SLC8A1: variants seen among roughly 807,000 people sequenced by gnomAD.
SLC8A1 encodes solute carrier family 8 member A1.
Under a neutral mutation model 68.3 loss-of-function variants are expected in SLC8A1, and 18 were observed. The ratio of observed to expected loss-of-function variants is 0.26; its 90% confidence interval spans 0.18 to 0.39. The LOEUF is 0.39. Ranked by LOEUF, SLC8A1 falls within the 10% of genes least tolerant of loss-of-function variation. SLC8A1 has a pLI of 1.00. For missense variants in SLC8A1, 985 were observed against 1,156.7 expected, an observed-to-expected ratio of 0.85 and a Z score of 2.15; for synonymous variants, 475 against 415.5, an observed-to-expected ratio of 1.14 and a Z score of -1.74.
chr2:40,219,974 A>G lies in SLC8A1; in HGVS notation c.1809-42119T>C, dbSNP rs560916298. On this transcript the variant is annotated intron_variant, in intron 2 of 7. Transcript: ENST00000406785. ...TTGACTAAAATTGTGCCAAATAAATAAGATTTTTTTCTTATCTGAGATTGA... is the reference window on the plus strand; with the variant it reads ...TTGACTAAAATTGTGCCAAATAAATGAGATTTTTTTCTTATCTGAGATTGA... Among the ~76,000 whole-genome samples, 195 of 151,572 alleles carry G rather than the reference A, an allele frequency of 1.3e-3. 2 individuals are homozygous for G. Among genetic ancestry groups the G allele is most frequent in the Non-Finnish European group, 2.0e-3 (134 of 67,984 alleles).
At chr2:40,267,582 C>A (rs1423388193) in intron 2 of SLC8A1, among the ~76,000 whole-genome samples, 1 of 152,000 alleles carries the variant, frequency 6.6e-6, no homozygotes, top group Non-Finnish European at 1.5e-5. Flanking sequence ...ACTGTCTATC[C>A]CAGCAATAAT....
chr2:40,375,406 A>T (rs968776703), intron 2 of SLC8A1, among the ~76,000 whole-genome samples: 2 of 152,104 alleles, frequency 1.3e-5, no homozygotes, highest in Non-Finnish European at 2.9e-5. Context: ...TTTTCCTAAC[A>T]AACTTACTTA....
intron 2 of SLC8A1, among the ~76,000 whole-genome samples, chr2:40,241,597 T>G (rs571618755): frequency 1.3e-5 from 2 of 152,334 alleles, no homozygotes; most frequent in South Asian, 4.1e-4. Context: ...TGCCCTCCCC[T>G]AACCTTGAGG....
At chr2:40,142,355 G>A (rs774413619) in intron 6 of SLC8A1, among the ~76,000 whole-genome samples, 27 of 148,484 alleles carry the variant, frequency 1.8e-4, no homozygotes, top group Non-Finnish European at 3.4e-4. Context: ...CATTCCAGCC[G>A]GGGCTGAGAA....
At chr2:40,237,888 C>T (rs976096326) in intron 2 of SLC8A1, among the ~76,000 whole-genome samples, 1 of 152,206 alleles carries the variant, frequency 6.6e-6, no homozygotes, top group South Asian at 2.1e-4. Context: ...TGTGCCCCTG[C>T]TGGGGGGTGC....
chr2:40,511,154 T>G lies in SLC8A1; in HGVS notation c.-25+1195A>C, dbSNP rs1706701027. On this transcript the variant is annotated intron_variant, in intron 1 of 7. Coordinates refer to the SLC8A1 transcript ENST00000402441. ...TCAATATTTCTCCATTTCTCTTTTC[T>G]TTTTTCCCACTCATACTCTAGATTG... Among the ~76,000 whole-genome samples the G allele has an allele frequency of 2.0e-5, 3 of 152,202 alleles. No homozygotes were observed. In the South Asian group the frequency reaches 6.2e-4, roughly 31 times the overall value.
intron 2 of SLC8A1, among the ~76,000 whole-genome samples, chr2:40,259,231 C>A (rs754534759): frequency 6.7e-6 from 1 of 150,266 alleles, no homozygotes; most frequent in Non-Finnish European, 1.5e-5. Flanking sequence ...CTGAGCTGGA[C>A]CACTTCCAAG....
intron 2 of SLC8A1, among the ~76,000 whole-genome samples, chr2:40,192,589 G>A (rs1026236127): frequency 6.6e-6 from 1 of 152,024 alleles, no homozygotes; most frequent in South Asian, 2.1e-4. Context: ...TCAAGGGTGG[G>A]TCTATGTATA....
At chr2:40,223,554 C>T (rs2058616552) in intron 2 of SLC8A1, 1 of 151,854 alleles carries the variant, frequency 6.6e-6, no homozygotes, top group African/African-American at 2.4e-5. Context: ...TTAGTCATTG[C>T]TATTTGGATG....
chr2:40,325,777 C>CAAAAAAAA (rs3059526), intron 2 of SLC8A1, among the ~76,000 whole-genome samples: 3 of 45,006 alleles, frequency 6.7e-5, no homozygotes, highest in Non-Finnish European at 1.3e-4. Flanking sequence ...ACTAAAAATA[C>CAAAAAAAA]AAAAAAAAAA....
rs557819614 is a variant in SLC8A1 at position 40,229,667 on chromosome 2, A to G, written c.1809-51812T>C. ...ATCTCCACGTTCCATCCTTTCCTGG[A>G]AAGGTTCATTATGATCCTCCAAACA... On this transcript the variant is annotated intron_variant, in intron 2 of 7. Transcript: ENST00000406785. Among the ~76,000 whole-genome samples the G allele has an allele frequency of 8.2e-4, 125 of 152,058 alleles. 1 individual carries two copies. Among genetic ancestry groups the G allele is most frequent in the African/African-American group, 2.9e-3 (119 of 41,564 alleles).
At chr2:40,328,822 A>T (rs2076114427) in intron 2 of SLC8A1, among the ~76,000 whole-genome samples, 1 of 152,026 alleles carries the variant, frequency 6.6e-6, no homozygotes, top group African/African-American at 2.4e-5. Flanking sequence ...GACTATTGCA[A>T]GGGCTCCCCC....
chr2:40,463,210 G>C (rs1249629062), intron 1 of SLC8A1, among the ~76,000 whole-genome samples: 2 of 152,056 alleles, frequency 1.3e-5, no homozygotes, highest in African/African-American at 2.4e-5. Context: ...AGGAAAGGAG[G>C]GAGTGAAGTG....
At chr2:40,131,791 A>G (rs1418355810) in intron 7 of SLC8A1, among the ~76,000 whole-genome samples, 2 of 150,068 alleles carry the variant, frequency 1.3e-5, no homozygotes, top group African/African-American at 2.5e-5. Flanking sequence ...GGAAGACCAA[A>G]TCTCTCTTTG....
chr2:40,290,973 T>A (rs1455192103), intron 2 of SLC8A1, among the ~76,000 whole-genome samples: 1 of 152,192 alleles, frequency 6.6e-6, no homozygotes, highest in Non-Finnish European at 1.5e-5. Context: ...GTCCCATCAG[T>A]GGGCAAACTT....
At chr2:40,496,250 C>T (rs1486919848) in intron 1 of SLC8A1, among the ~76,000 whole-genome samples, 1 of 152,072 alleles carries the variant, frequency 6.6e-6, no homozygotes, top group Non-Finnish European at 1.5e-5. Flanking sequence ...CATGTCTGCC[C>T]GTGCACACTG....
intron 1 of SLC8A1, among the ~76,000 whole-genome samples, chr2:40,471,428 A>G (rs1703983245): frequency 6.6e-6 from 1 of 152,138 alleles, no homozygotes; most frequent in Non-Finnish European, 1.5e-5. Flanking sequence ...ATGAGGCTGG[A>G]ATAGATGACC....
chr2:40,174,846 A>T lies in SLC8A1; in HGVS notation c.1913-4T>A. 1 of 1,608,244 alleles carries T rather than the reference A, an allele frequency of 6.2e-7. No homozygotes were observed. Among genetic ancestry groups the T allele is most frequent in the East Asian group, 2.2e-5 (1 of 44,800 alleles). On this transcript the variant is annotated splice_region_variant and splice_polypyrimidine_tract_variant and intron_variant, in intron 3 of 7. Coordinates refer to ENST00000406785, the Ensembl canonical transcript of SLC8A1. ...ATACCTGTTATTGTGAAGCCACCTA[A>T]AAAAGAAAAAAACAACAACAAATGT...
intron 5 of SLC8A1, among the ~76,000 whole-genome samples, chr2:40,161,813 G>A (rs1237395512): frequency 6.6e-6 from 1 of 152,174 alleles, no homozygotes; most frequent in Admixed American, 6.5e-5. Context: ...TACTGTCAGA[G>A]CATCCTTGAA....
Sources: allele counts gnomAD v4.1 joint callset (sites outside exome capture counted in the v4.1 genomes callset), GRCh38; gene constraint gnomAD v4.1.1; transcripts MANE v1.5; gene names NCBI Gene and HGNC (gene_info 2026-07-23, HGNC 2026-07-21).